Variants in SCMH1 observed in about 807,000 individuals in gnomAD.
The protein encoded by SCMH1 is polycomb protein SCMH1.
SCMH1 carries 37 observed loss-of-function variants against 70.8 expected under a neutral mutation model. That is an observed-to-expected ratio of 0.52 (90% CI 0.40 to 0.69). SCMH1 has a LOEUF of 0.69. SCMH1 is among the 30% of genes least tolerant of loss of function. The pLI is 0.00. For missense variants in SCMH1, 607 were observed against 827.3 expected (o/e 0.73, Z 3.27); for synonymous variants, 292 against 307.4 (o/e 0.95, Z 0.52).
intron 8 of SCMH1, among the ~76,000 whole-genome samples, chr1:41,111,793 C>T (rs1181303118): frequency 6.6e-6 from 1 of 152,164 alleles, no homozygotes; most frequent in Admixed American, 6.5e-5. Context: ...ATGACTCCTT[C>T]TCATCATTCA....
chr1:41,135,996 T>G (rs189902936), intron 6 of SCMH1, among the ~76,000 whole-genome samples: 45 of 151,116 alleles, frequency 3.0e-4, no homozygotes, highest in Admixed American at 1.4e-3. Flanking sequence ...CAGGCTGGAG[T>G]GTAGTGGTAC....
At chr1:41,231,586 C>A (rs1302678752) in intron 1 of SCMH1, among the ~76,000 whole-genome samples, 1 of 152,076 alleles carries the variant, frequency 6.6e-6, no homozygotes, top group Non-Finnish European at 1.5e-5. Flanking sequence ...TAATTTTTAC[C>A]TGAGATTACT....
At chr1:41,104,116 A>G (rs1667283926) in intron 8 of SCMH1, among the ~76,000 whole-genome samples, 1 of 152,188 alleles carries the variant, frequency 6.6e-6, no homozygotes, top group Non-Finnish European at 1.5e-5. Context: ...ACTAACGCAC[A>G]GTGGGCATCT....
At chr1:41,133,567 A>G (rs754669101) in intron 6 of SCMH1, among the ~76,000 whole-genome samples, 16 of 152,208 alleles carry the variant, frequency 1.1e-4, no homozygotes, top group Non-Finnish European at 1.5e-5. Flanking sequence ...AAAAGAGAGA[A>G]GAATCAAATG....
At chr1:41,086,502 T>C (rs1337389213) in intron 8 of SCMH1, among the ~76,000 whole-genome samples, 1 of 152,176 alleles carries the variant, frequency 6.6e-6, no homozygotes, top group Non-Finnish European at 1.5e-5. Flanking sequence ...TAAGTTAACT[T>C]ACAAACTTAA....
At chr1:41,159,731 T>A in intron 4 of SCMH1, 1 of 1,533,718 alleles carries the variant, frequency 6.5e-7, no homozygotes, top group Non-Finnish European at 8.8e-7. Flanking sequence ...TTACCTGCAT[T>A]ATTTCATTTC....
At chr1:41,181,912 C>T (rs1479873084) in intron 2 of SCMH1, among the ~76,000 whole-genome samples, 1 of 152,034 alleles carries the variant, frequency 6.6e-6, no homozygotes, top group Non-Finnish European at 1.5e-5. Context: ...ATGTTTATTG[C>T]GGCACTATTC....
At chr1:41,130,154 C>A (rs911365411) in intron 6 of SCMH1, among the ~76,000 whole-genome samples, 1 of 152,082 alleles carries the variant, frequency 6.6e-6, no homozygotes, top group Non-Finnish European at 1.5e-5. Flanking sequence ...TATTCAAGTC[C>A]TTTGCTAATT....
intron 10 of SCMH1, among the ~76,000 whole-genome samples, chr1:41,066,058 G>A (rs567676554): frequency 6.6e-6 from 1 of 152,130 alleles, no homozygotes; most frequent in Non-Finnish European, 1.5e-5. Context: ...TTTTGCCCTA[G>A]TCCAAGCAGT....
chr1:41,028,458 G>A (rs1376923931), intron 14 of SCMH1, 126 bp downstream of exon 15: 11 of 1,502,146 alleles, frequency 7.3e-6, no homozygotes, highest in Non-Finnish European at 1.0e-5. Context: ...CTGTGATGCT[G>A]AAGCCTACCT....
intron 1 of SCMH1, among the ~76,000 whole-genome samples, chr1:41,233,206 A>G (rs1442053148): frequency 6.6e-6 from 1 of 152,196 alleles, no homozygotes; most frequent in Non-Finnish European, 1.5e-5. Flanking sequence ...AGCCATATAT[A>G]TATAAGCCAT....
chr1:41,169,202 G>A (rs879123970), intron 2 of SCMH1, among the ~76,000 whole-genome samples: 20 of 152,168 alleles, frequency 1.3e-4, no homozygotes, highest in Admixed American at 1.1e-3. Flanking sequence ...TATAGAAGTT[G>A]TGGCACTTGA....
intron 1 of SCMH1, among the ~76,000 whole-genome samples, chr1:41,192,548 A>G (rs1179402291): frequency 6.6e-6 from 1 of 150,662 alleles, no homozygotes; most frequent in Non-Finnish European, 1.5e-5. Flanking sequence ...TACCTGGCAC[A>G]TAGTAAACAC....
intron 2 of SCMH1, among the ~76,000 whole-genome samples, chr1:41,176,275 C>A (rs1232751620): frequency 2.0e-5 from 3 of 151,388 alleles, no homozygotes; most frequent in African/African-American, 7.3e-5. Context: ...GGGGGTGGCA[C>A]CAAGATGGCC....
intron 2 of SCMH1, among the ~76,000 whole-genome samples, chr1:41,183,329 C>T (rs1250097506): frequency 6.6e-6 from 1 of 152,298 alleles, no homozygotes; most frequent in East Asian, 1.9e-4. Context: ...TAAGATAAAA[C>T]ATGTCACTAC....
intron 5 of SCMH1, among the ~76,000 whole-genome samples, chr1:41,146,979 C>T (rs1269181579): frequency 6.6e-6 from 1 of 152,024 alleles, no homozygotes; most frequent in Non-Finnish European, 1.5e-5. Context: ...TCCTCCCCCA[C>T]CCCACCCAAA....
At chr1:41,118,329 A>T (rs1671060384) in intron 6 of SCMH1, among the ~76,000 whole-genome samples, 2 of 152,214 alleles carry the variant, frequency 1.3e-5, no homozygotes, top group Non-Finnish European at 2.9e-5. Flanking sequence ...AAAACTTTCT[A>T]GGCATTTGAA....
chr1:41,071,522 AT>A (rs1192343100), intron 9 of SCMH1, among the ~76,000 whole-genome samples: 2 of 152,156 alleles, frequency 1.3e-5, no homozygotes, highest in South Asian at 2.1e-4. Flanking sequence ...GTGTAAATAA[AT>A]TTTTTTAATG....
chr1:41,137,696 G>A (rs985289556), intron 6 of SCMH1, among the ~76,000 whole-genome samples: 1 of 152,190 alleles, frequency 6.6e-6, no homozygotes, highest in African/African-American at 2.4e-5. Flanking sequence ...TTCCTAGCAA[G>A]TTCCACCAAC....
Sources: allele counts gnomAD v4.1 joint callset (sites outside exome capture counted in the v4.1 genomes callset), GRCh38; gene constraint gnomAD v4.1.1; transcripts MANE v1.5; gene names NCBI Gene and HGNC (gene_info 2026-07-23, HGNC 2026-07-21).